IQCM: variants seen among roughly 807,000 people sequenced by gnomAD.
IQCM encodes IQ domain-containing protein M.
IQCM carries 45 observed loss-of-function variants against 57.6 expected under a neutral mutation model. The ratio of observed to expected loss-of-function variants is 0.78; its 90% CI spans 0.62 to 1.00. IQCM has a LOEUF of 1.00. IQCM is among the 50% of genes least tolerant of loss of function. The probability of loss-of-function intolerance (pLI) is 0.00; values close to 1 mark genes in which losing one functional copy is unlikely to be tolerated. For missense variants in IQCM, 468 were observed against 511.6 expected (o/e 0.91, Z 0.82); for synonymous variants, 148 against 158.9 (o/e 0.93, Z 0.51).
intron 7 of IQCM, among the ~76,000 whole-genome samples, chr4:149,680,700 C>A (rs1013225740): frequency 2.0e-5 from 3 of 151,542 alleles, no homozygotes; most frequent in African/African-American, 7.2e-5. Flanking sequence ...CAGAACATTT[C>A]TGCATGGGTA....
At chr4:149,602,562 G>T (rs879787607) in intron 8 of IQCM, among the ~76,000 whole-genome samples, 1 of 152,038 alleles carries the variant, frequency 6.6e-6, no homozygotes, top group Non-Finnish European at 1.5e-5. Context: ...TTCTGAATCT[G>T]TATACTTACC....
chr4:149,439,729 A>G (rs919599156), intron 12 of IQCM, among the ~76,000 whole-genome samples: 2 of 152,118 alleles, frequency 1.3e-5, no homozygotes, highest in African/African-American at 2.4e-5. Flanking sequence ...CTTTGCTCTG[A>G]CTAAAGACAA....
At chr4:149,385,230 A>G (rs1168634401) in intron 13 of IQCM, among the ~76,000 whole-genome samples, 2 of 152,092 alleles carry the variant, frequency 1.3e-5, no homozygotes, top group Admixed American at 1.3e-4. Flanking sequence ...TAGGGCTTAC[A>G]AAATATCAGA....
At chr4:149,719,470 A>G (rs1269045387) in intron 5 of IQCM, among the ~76,000 whole-genome samples, 1 of 152,228 alleles carries the variant, frequency 6.6e-6, no homozygotes, top group Non-Finnish European at 1.5e-5. Flanking sequence ...CTGGGATTTG[A>G]GCCTGGGAAG....
chr4:149,609,454 G>A (rs554570468), intron 8 of IQCM, among the ~76,000 whole-genome samples: 8 of 151,752 alleles, frequency 5.3e-5, no homozygotes, highest in Non-Finnish European at 1.2e-4. Context: ...GAAAACTACA[G>A]GCCAATATCT....
chr4:149,477,353 C>A lies in IQCM; in HGVS notation c.1229-43796G>T, dbSNP rs1342362379. 2.0e-5 allele frequency among the ~76,000 whole-genome samples: 3 copies of A among 152,020 alleles called. No individual in the cohort carries two copies. The East Asian group carries it at 5.8e-4, about 29-fold the overall frequency. On this transcript the variant is annotated intron_variant, in intron 12 of 13. Coordinates refer to ENST00000636793, the MANE Select transcript of IQCM (RefSeq NM_001363507.2). ...ACTGGGAGGCTATGATCTCTCAGGG[C>A]CTTGTAAACAACAGCTGATATGCAC...
Position 149,653,709 on chromosome 4 carries a change from C to T in IQCM, c.565+28409G>A, listed in dbSNP as rs191190975. On this transcript the variant is annotated intron_variant, in intron 7 of 13. Transcript: ENST00000636793. Reference sequence around the variant, plus strand: ...TGACACATTTACCAAAATGGTCATACATCGAAATGTGGACCTGTACATTTA... The same window carrying T: ...TGACACATTTACCAAAATGGTCATATATCGAAATGTGGACCTGTACATTTA... Among the ~76,000 whole-genome samples, 435 of 152,090 alleles carry T rather than the reference C, an allele frequency of 2.9e-3. 7 individuals carry two copies. Among genetic ancestry groups the T allele is most frequent in the African/African-American group, 9.9e-3 (409 of 41,434 alleles).
intron 12 of IQCM, among the ~76,000 whole-genome samples, chr4:149,483,756 G>A (rs1741163702): frequency 6.6e-6 from 1 of 151,940 alleles, no homozygotes; most frequent in African/African-American, 2.4e-5. Flanking sequence ...GCCATTGGAT[G>A]AAATGTTCTG....
chr4:149,550,981 C>T (rs1163309793), intron 11 of IQCM, among the ~76,000 whole-genome samples: 1 of 152,166 alleles, frequency 6.6e-6, no homozygotes, highest in Non-Finnish European at 1.5e-5. Context: ...AGCCTATTCT[C>T]AACAAAATTA....
intron 7 of IQCM, among the ~76,000 whole-genome samples, chr4:149,671,214 G>GGT (rs1761249820): frequency 1.3e-5 from 2 of 151,938 alleles, no homozygotes; most frequent in Admixed American, 6.6e-5. Flanking sequence ...GTCTTGGGAG[G>GGT]GTGTGTGTGT....
At chr4:149,805,348 G>A (rs1167979161) in intron 2 of IQCM, among the ~76,000 whole-genome samples, 1 of 151,976 alleles carries the variant, frequency 6.6e-6, no homozygotes, top group Admixed American at 6.6e-5. Flanking sequence ...AATAAAAAAT[G>A]AGCAATGAAT....
chr4:149,473,249 T>A (rs1173341809), intron 12 of IQCM, among the ~76,000 whole-genome samples: 2 of 152,074 alleles, frequency 1.3e-5, no homozygotes, highest in African/African-American at 4.8e-5. Context: ...ATATCCAGAA[T>A]CTACAAAGAA....
At chr4:149,473,982 G>A (rs767611269) in intron 12 of IQCM, among the ~76,000 whole-genome samples, 44 of 152,040 alleles carry the variant, frequency 2.9e-4, no homozygotes, top group Non-Finnish European at 4.7e-4. Flanking sequence ...TCGTGGTGTC[G>A]GGGAAGTGGG....
chr4:149,731,310 T>C (rs944771856), intron 5 of IQCM, among the ~76,000 whole-genome samples: 2 of 152,118 alleles, frequency 1.3e-5, no homozygotes, highest in Non-Finnish European at 2.9e-5. Flanking sequence ...CCTTCCACCA[T>C]GTGAAGACAC....
At chr4:149,481,006 A>G (rs1441804697) in intron 12 of IQCM, among the ~76,000 whole-genome samples, 4 of 152,128 alleles carry the variant, frequency 2.6e-5, no homozygotes, top group Non-Finnish European at 5.9e-5. Flanking sequence ...TCTGATGATC[A>G]GTGGTATTGA....
intron 13 of IQCM, among the ~76,000 whole-genome samples, chr4:149,356,902 G>T (rs1192923486): frequency 1.3e-5 from 2 of 151,998 alleles, no homozygotes. Context: ...CCATTTCTTT[G>T]TATCCTCTTT....
chr4:149,639,856 G>A (rs1758039961), intron 7 of IQCM, among the ~76,000 whole-genome samples: 1 of 152,152 alleles, frequency 6.6e-6, no homozygotes, highest in African/African-American at 2.4e-5. Flanking sequence ...TCGAGACAGC[G>A]AGGTGGAGGT....
intron 7 of IQCM, among the ~76,000 whole-genome samples, chr4:149,667,760 C>T (rs887217281): frequency 6.6e-6 from 1 of 151,752 alleles, no homozygotes; most frequent in Non-Finnish European, 1.5e-5. Flanking sequence ...CTGAAAAACA[C>T]AGCACAAGAA....
chr4:149,442,418 A>T (rs1736033143), intron 12 of IQCM, among the ~76,000 whole-genome samples: 1 of 152,080 alleles, frequency 6.6e-6, no homozygotes, highest in Admixed American at 6.6e-5. Context: ...CAACAAAAAA[A>T]ACCCAAAAAA....
Sources: allele counts gnomAD v4.1 joint callset (sites outside exome capture counted in the v4.1 genomes callset), GRCh38; gene constraint gnomAD v4.1.1; transcripts MANE v1.5; gene names NCBI Gene and HGNC (gene_info 2026-07-23, HGNC 2026-07-21).